PSD2: variants seen among roughly 807,000 people sequenced by gnomAD.
PSD2 encodes the protein PH and SEC7 domain-containing protein 2.
A neutral mutation model predicts 69.8 loss-of-function variants in PSD2; 38 were observed. The ratio of observed to expected loss-of-function variants is 0.54; its 90% CI spans 0.42 to 0.71. The LOEUF is 0.71. Ranked by LOEUF, PSD2 falls within the 30% of genes least tolerant of loss-of-function variation. The pLI is 0.00. For missense variants in PSD2, 943 were observed against 1,014.5 expected (o/e 0.93, Z 0.96); for synonymous variants, 412 against 423.0 (o/e 0.97, Z 0.32).
chr5:139,758,332 G>A, the PSD2 span, among the ~76,000 whole-genome samples: 1 of 152,176 alleles, frequency 6.6e-6, no homozygotes, highest in African/African-American at 2.4e-5. Context: ...CTGGGGACAG[G>A]AAGTACATTT....
intron 7 of PSD2, among the ~76,000 whole-genome samples, chr5:139,828,964 G>A (rs577262768): frequency 3.0e-4 from 44 of 148,632 alleles, no homozygotes; most frequent in African/African-American, 1.1e-3. Context: ...CAGAGGCTGT[G>A]GGAAGAAGTC....
At position 139,837,318 on chromosome 5, in the gene PSD2, C is replaced by T; in HGVS notation, c.1665+80C>T. On this transcript the variant is annotated intron_variant, in intron 11 of 14. Transcript: ENST00000274710. This position sits in a 1 kb window ranked among gnomAD's most constrained non-coding sequence, Gnocchi z 5.0. ...GCCCTGGCCTTGTGGCACCCCGAAG[C>T]CCCAGGCAGGACCTGGGGCTCAGGC... 1 of 866,088 alleles carries T rather than the reference C, an allele frequency of 1.2e-6. No homozygotes were observed. Among genetic ancestry groups the T allele is most frequent in the Non-Finnish European group, 1.8e-6 (1 of 558,256 alleles). 53.7% of individuals were successfully genotyped at this position (866,088 alleles called of 1,614,324 possible). A position where few individuals can be genotyped will look rare whatever the true frequency, so the allele number is the denominator to read the frequency against.
chr5:139,788,842 A>G, the PSD2 span, among the ~76,000 whole-genome samples: 1 of 152,326 alleles, frequency 6.6e-6, no homozygotes, highest in African/African-American at 2.4e-5. Flanking sequence ...GGCAGGTCGT[A>G]GAGCTTGGGC....
At chr5:139,810,415 G>A (rs1759928354) in intron 2 of PSD2, among the ~76,000 whole-genome samples, 1 of 152,210 alleles carries the variant, frequency 6.6e-6, no homozygotes, top group African/African-American at 2.4e-5. Context: ...AGGCACCAGG[G>A]TGGACTGAGA....
the PSD2 span, among the ~76,000 whole-genome samples, chr5:139,747,440 G>C: frequency 6.6e-6 from 1 of 152,204 alleles, no homozygotes; most frequent in South Asian, 2.1e-4. The surrounding 1 kb of genome is among the most constrained non-coding windows in gnomAD (Gnocchi z 6.7). Context: ...CTGCCAGCTT[G>C]GCGGAGGTGA....
chr5:139,751,476 C>A, the PSD2 span, among the ~76,000 whole-genome samples: 1 of 152,178 alleles, frequency 6.6e-6, no homozygotes, highest in Non-Finnish European at 1.5e-5. Context: ...CCTCCCACCC[C>A]CTTCAAGTGT....
chr5:139,766,022 C>G, the PSD2 span, among the ~76,000 whole-genome samples: 1 of 152,134 alleles, frequency 6.6e-6, no homozygotes, highest in East Asian at 1.9e-4. Flanking sequence ...GACGGCAAGC[C>G]AGGCCCCTCT....
At chr5:139,802,635 C>T (rs1039061453) in intron 1 of PSD2, among the ~76,000 whole-genome samples, 2 of 152,118 alleles carry the variant, frequency 1.3e-5, no homozygotes, top group African/African-American at 4.8e-5. Flanking sequence ...TTCCTGATAA[C>T]TGAGGGTTCA....
chr5:139,821,793 C>T (rs748112629), intron 5 of PSD2, 100 bp from the exon 6 acceptor site: 16 of 639,586 alleles, frequency 2.5e-5, no homozygotes, highest in Non-Finnish European at 4.1e-5. Flanking sequence ...GGCACTGGAG[C>T]CCTGGCCCCC....
At chr5:139,790,176 TGGGAGGCTGTGGCAGGA>T in the PSD2 span, among the ~76,000 whole-genome samples, 1 of 151,978 alleles carries the variant, frequency 6.6e-6, no homozygotes, top group Non-Finnish European at 1.5e-5. Context: ...CCCAGCACTT[TGGGAGGCTGTGGCAGGA>T]GGATCACTTG....
chr5:139,774,927 T>G, the PSD2 span, among the ~76,000 whole-genome samples: 5 of 152,148 alleles, frequency 3.3e-5, no homozygotes, highest in Non-Finnish European at 5.9e-5. Context: ...TGTGGATGTG[T>G]GCACATGGAG....
At chr5:139,836,412 C>T (rs1435159626) in intron 9 of PSD2, among the ~76,000 whole-genome samples, 2 of 152,200 alleles carry the variant, frequency 1.3e-5, no homozygotes, top group Non-Finnish European at 2.9e-5. Flanking sequence ...AGGGCCTTAC[C>T]TGCTGGCCTC....
the PSD2 span, among the ~76,000 whole-genome samples, chr5:139,746,779 C>G: frequency 5.3e-5 from 8 of 152,228 alleles, no homozygotes; most frequent in African/African-American, 1.9e-4. The surrounding 1 kb of genome is among the most constrained non-coding windows in gnomAD (Gnocchi z 4.5). Context: ...TTCCCTTCAT[C>G]TAGCGCTCCC....
chr5:139,759,588 G>T, the PSD2 span, among the ~76,000 whole-genome samples: 2 of 152,226 alleles, frequency 1.3e-5, no homozygotes, highest in Non-Finnish European at 2.9e-5. Context: ...GAGTTAATCT[G>T]CAGTGGCTGG....
intron 12 of PSD2, 136 bp from the exon 13 acceptor site, chr5:139,838,492 C>T: frequency 1.1e-6 from 1 of 939,446 alleles, no homozygotes; most frequent in Non-Finnish European, 1.6e-6. Context: ...ATGTGTCCTC[C>T]CTCTCCCCTT....
At position 139,822,849 on chromosome 5, in the gene PSD2, G is replaced by A. The variant is rs116390415; in HGVS notation, c.1269+65G>A. ...CAGGGACCCACCTTGTGTTGATCCCGGCCCCTTCCTGAGATCTCTTACTCA... is the reference window on the plus strand; with the variant it reads ...CAGGGACCCACCTTGTGTTGATCCCAGCCCCTTCCTGAGATCTCTTACTCA... On this transcript the variant is annotated intron_variant, in intron 7 of 14. Transcript: ENST00000274710. 7.4e-4 allele frequency: 1,039 copies of A among 1,400,428 alleles called. 7 individuals carry two copies. In the African/African-American group the frequency reaches 0.012, roughly 17 times the overall value. 86.8% of individuals were successfully genotyped at this position (1,400,428 alleles called of 1,614,324 possible). A position where few individuals can be genotyped will look rare whatever the true frequency, so the allele number is the denominator to read the frequency against.
At chr5:139,766,924 C>CCTTTCTTTCTTTCTTT in the PSD2 span, among the ~76,000 whole-genome samples, 1 of 33,080 alleles carries the variant, frequency 3.0e-5, no homozygotes, top group Non-Finnish European at 7.7e-5. Context: ...TTCCTTCCTT[C>CCTTTCTTTCTTTCTTT]CTTCCCTTCT....
the PSD2 span, chr5:139,746,362 C>G: frequency 6.6e-6 from 1 of 151,494 alleles, no homozygotes; most frequent in Admixed American, 6.6e-5. This position sits in a 1 kb window ranked among gnomAD's most constrained non-coding sequence, Gnocchi z 4.5. Flanking sequence ...AACGAAACTT[C>G]AACTTCATCA....
intron 7 of PSD2, among the ~76,000 whole-genome samples, chr5:139,830,569 T>TTCCTTCCTTC (rs1334455882): frequency 0.022 from 1,126 of 50,738 alleles, 7 homozygotes; most frequent in African/African-American, 0.042. Context: ...TTCCTTCCTT[T>TTCCTTCCTTC]CTTTCTTTCT....
Sources: allele counts gnomAD v4.1 joint callset (sites outside exome capture counted in the v4.1 genomes callset), GRCh38; gene constraint gnomAD v4.1.1; non-coding constraint Gnocchi (gnomAD v3.1); transcripts MANE v1.5; gene names NCBI Gene and HGNC (gene_info 2026-07-23, HGNC 2026-07-21).